The following KCNG2 variants were observed in gnomAD, a reference collection of about 807,000 sequenced individuals.
KCNG2 encodes potassium voltage-gated channel modifier subfamily G member 2.
In KCNG2, 7 loss-of-function variants were observed where a neutral mutation model predicts 12.3. The ratio of observed to expected loss-of-function variants is 0.57; its 90% CI spans 0.32 to 1.07. The LOEUF (loss-of-function observed/expected upper bound fraction) is 1.07, where lower values mean the gene tolerates loss of function less well. Among genes scored for constraint, KCNG2 ranks in the 50% least tolerant of loss-of-function variants. The pLI is 0.04. For missense variants in KCNG2, 703 were observed against 726.0 expected (o/e 0.97, Z 0.36); for synonymous variants, 414 against 351.4 (o/e 1.18, Z -1.99).
At chr18:79,867,456 G>T (rs752047614) in intron 3 of KCNG2, among the ~76,000 whole-genome samples, 6 of 104,676 alleles carry the variant, frequency 5.7e-5, no homozygotes, top group East Asian at 2.5e-4. Context: ...CGTGTCTTGG[G>T]GGGGGGACCG....
chr18:79,828,382 T>C (rs1162701982), intron 1 of KCNG2, among the ~76,000 whole-genome samples: 1 of 150,926 alleles, frequency 6.6e-6, no homozygotes, highest in East Asian at 2.0e-4. Context: ...GTGTGTGTCT[T>C]AGTGTGCATG....
intron 1 of KCNG2, among the ~76,000 whole-genome samples, chr18:79,839,564 G>T (rs879587360): frequency 1.1e-4 from 16 of 152,122 alleles, no homozygotes; most frequent in Non-Finnish European, 2.2e-4. Flanking sequence ...TAATAAACTT[G>T]AATTTGTAAA....
intron 3 of KCNG2, among the ~76,000 whole-genome samples, chr18:79,890,793 G>A (rs959407420): frequency 6.6e-6 from 1 of 152,152 alleles, no homozygotes; most frequent in South Asian, 2.1e-4. Context: ...CCTCGTTTCT[G>A]TAGTTTGTTT....
chr18:79,870,842 C>T lies in KCNG2; in HGVS notation c.624+6551C>T, dbSNP rs112463678. On this transcript the variant is annotated intron_variant, in intron 3 of 3. Transcript: ENST00000316249. The stretch of plus-strand genomic sequence containing the variant: ...GCACGTGGGCAGACGTCACAGACAC[C>T]GAGTTGTGTCAGCTCACAGAGCGAG... Among the ~76,000 whole-genome samples, 609 of 152,274 alleles carry T rather than the reference C, an allele frequency of 4.0e-3. 2 individuals carry two copies. Among genetic ancestry groups the T allele is most frequent in the Middle Eastern group, 0.014 (4 of 294 alleles).
At chr18:79,828,932 G>A (rs1012952185) in intron 1 of KCNG2, among the ~76,000 whole-genome samples, 8 of 134,744 alleles carry the variant, frequency 5.9e-5, no homozygotes, top group East Asian at 2.3e-4. Context: ...CTATGTGTGC[G>A]TGTGTGTAAC....
At chr18:79,837,160 C>G (rs1039427973) in intron 1 of KCNG2, among the ~76,000 whole-genome samples, 2 of 152,214 alleles carry the variant, frequency 1.3e-5, no homozygotes, top group Non-Finnish European at 2.9e-5. Context: ...AAGGGGGCCA[C>G]AGGTCCCATG....
intron 3 of KCNG2, among the ~76,000 whole-genome samples, chr18:79,880,289 CCTGGGTGACAGAGTGAGA>C (rs1373085062): frequency 3.6e-5 from 5 of 140,172 alleles, no homozygotes; most frequent in African/African-American, 1.3e-4. Flanking sequence ...TGCCCTCCAG[CCTGGGTGACAGAGTGAGA>C]CTCTGTCTCA....
chr18:79,867,497 G>T (rs538735677), intron 3 of KCNG2, among the ~76,000 whole-genome samples: 1 of 114,376 alleles, frequency 8.7e-6, no homozygotes, highest in Non-Finnish European at 1.8e-5. Flanking sequence ...GTCTGGGGGG[G>T]GGATCGTGAG....
intron 3 of KCNG2, among the ~76,000 whole-genome samples, chr18:79,864,557 G>C (rs1032885641): frequency 7.2e-5 from 11 of 152,370 alleles, no homozygotes; most frequent in Admixed American, 3.9e-4. Flanking sequence ...TTCCGACGCA[G>C]CATCCGGTCC....
chr18:79,810,275 G>A (rs1478574215), intron 1 of KCNG2, among the ~76,000 whole-genome samples: 1 of 152,086 alleles, frequency 6.6e-6, no homozygotes, highest in Non-Finnish European at 1.5e-5. Context: ...AAGAGAGGGT[G>A]GACAAAGAGG....
intron 3 of KCNG2, among the ~76,000 whole-genome samples, chr18:79,866,806 GT>G (rs1568262940): frequency 1.7e-3 from 216 of 124,706 alleles, no homozygotes; most frequent in East Asian, 3.8e-3. Context: ...GCTGAGGTCT[GT>G]GTGTCTGTGT....
In KCNG2 at chr18:79,884,573, C is replaced by T. The variant is rs1230291683; in HGVS notation, c.625-14467C>T. On this transcript the variant is annotated intron_variant, in intron 3 of 3. Coordinates refer to ENST00000316249, the MANE Select transcript of KCNG2 (RefSeq NM_012283.2). This position sits in a 1 kb window ranked among gnomAD's most constrained non-coding sequence, Gnocchi z 5.5. ...CTGGGCCTGGGCCTGGGCGTGGCAG[C>T]TCCCCAGGCCCACGGGGCAGGAATT... Among the ~76,000 whole-genome samples, 1 of 152,198 alleles carries T rather than the reference C, an allele frequency of 6.6e-6. No individual in the cohort carries two copies. Among genetic ancestry groups the T allele is most frequent in the Non-Finnish European group, 1.5e-5 (1 of 68,030 alleles).
At chr18:79,824,044 C>T (rs978679888) in intron 1 of KCNG2, among the ~76,000 whole-genome samples, 4 of 152,144 alleles carry the variant, frequency 2.6e-5, no homozygotes, top group African/African-American at 9.7e-5. Context: ...ACTCTGTCAC[C>T]CAGGCTGGAG....
intron 1 of KCNG2, among the ~76,000 whole-genome samples, chr18:79,814,886 G>A (rs1599366985): frequency 6.6e-6 from 1 of 151,062 alleles, no homozygotes; most frequent in South Asian, 2.1e-4. Context: ...GGGTGAGGAT[G>A]GCCATGTGCT....
chr18:79,835,063 G>C (rs1978316368), intron 1 of KCNG2, among the ~76,000 whole-genome samples: 1 of 152,254 alleles, frequency 6.6e-6, no homozygotes, highest in African/African-American at 2.4e-5. Context: ...TCTGTAGAGA[G>C]ATGTGGGGAG....
chr18:79,880,561 C>T (rs62103236), intron 3 of KCNG2, among the ~76,000 whole-genome samples: 9,243 of 152,144 alleles, frequency 0.061, 368 homozygotes, highest in Middle Eastern at 0.1. Context: ...TGGTCTCTTC[C>T]AGAAACATGT....
At chr18:79,846,926 A>G (rs1187642036) in intron 1 of KCNG2, among the ~76,000 whole-genome samples, 1 of 152,006 alleles carries the variant, frequency 6.6e-6, no homozygotes, top group Non-Finnish European at 1.5e-5. Flanking sequence ...AGGTGTGTGT[A>G]GGTCGCAAGG....
intron 1 of KCNG2, among the ~76,000 whole-genome samples, chr18:79,834,044 C>T (rs1978310173): frequency 6.6e-6 from 1 of 152,198 alleles, no homozygotes; most frequent in Admixed American, 6.5e-5. Context: ...GAGGAGGCCA[C>T]CCAGTGCAGT....
rs575693621 is a variant in KCNG2 at position 79,836,609 on chromosome 18, C to G, written c.-114-19770C>G. ...GAAGAAAAAAGGTTGAATTGACTCA[C>G]AGTTCCACATGGCTGGGGAGGCCTC... On this transcript the variant is annotated intron_variant, in intron 1 of 3. Coordinates refer to ENST00000316249, the MANE Select transcript of KCNG2 (RefSeq NM_012283.2). 2.6e-5 allele frequency among the ~76,000 whole-genome samples: 4 copies of G among 152,298 alleles called. 1 individual carries two copies. In the South Asian group the frequency reaches 8.3e-4, roughly 32 times the overall value.
Sources: gnomAD v4.1 joint callset for allele counts (sites outside exome capture counted in the v4.1 genomes callset) on GRCh38, gnomAD v4.1.1 for gene constraint, Gnocchi (gnomAD v3.1) non-coding constraint, MANE v1.5 for transcripts, NCBI Gene and HGNC (gene_info 2026-07-23, HGNC 2026-07-21) for gene names.